Variants in OSBPL9 observed in about 807,000 individuals in gnomAD.
The protein encoded by OSBPL9 is oxysterol binding protein like 9.
In OSBPL9, 40 loss-of-function variants were observed where a neutral mutation model predicts 106.6. The ratio of observed to expected loss-of-function variants is 0.38; its 90% CI spans 0.29 to 0.49. The LOEUF is 0.49. OSBPL9 is among the 20% of genes least tolerant of loss of function. The pLI, the probability that OSBPL9 is intolerant of heterozygous loss-of-function variation, is 0.97. For synonymous variants in OSBPL9, 269 were observed against 295.4 expected, an observed-to-expected ratio of 0.91 and a Z score of 0.92; for missense variants, 609 against 887.2, an observed-to-expected ratio of 0.69 and a Z score of 3.98.
chr1:51,693,810 A>G (rs1225288626), intron 3 of OSBPL9, among the ~76,000 whole-genome samples: 1 of 152,230 alleles, frequency 6.6e-6, no homozygotes, highest in Non-Finnish European at 1.5e-5. Context: ...GTTCCAAACT[A>G]TAGTCAGTTG....
At chr1:51,753,291 C>T (rs781039433) in intron 8 of OSBPL9, among the ~76,000 whole-genome samples, 1 of 152,142 alleles carries the variant, frequency 6.6e-6, no homozygotes, top group Non-Finnish European at 1.5e-5. Flanking sequence ...TTTATTTATC[C>T]TTTCTGTGCT....
chr1:51,607,381 C>CA (rs765353564), intron 2 of OSBPL9, among the ~76,000 whole-genome samples: 9 of 152,026 alleles, frequency 5.9e-5, no homozygotes, highest in Non-Finnish European at 1.0e-4. Flanking sequence ...AGGCTGATCT[C>CA]AAACTCCTGA....
At chr1:51,756,269 A>T (rs1179518279) in intron 8 of OSBPL9, 51 bp from the exon 9 acceptor site, 2 of 1,453,918 alleles carry the variant, frequency 1.4e-6, no homozygotes, top group Non-Finnish European at 9.6e-7. Flanking sequence ...ATACACAAGG[A>T]GTTACTTACA....
intron 8 of OSBPL9, 88 bp from the exon 9 acceptor site, chr1:51,756,232 T>C: frequency 1.9e-6 from 2 of 1,068,798 alleles, no homozygotes; most frequent in Admixed American, 3.9e-5. Context: ...ATTACTTACC[T>C]AGTAAATAAG....
At chr1:51,654,148 AT>A (rs1004780225) in intron 2 of OSBPL9, among the ~76,000 whole-genome samples, 4 of 152,192 alleles carry the variant, frequency 2.6e-5, no homozygotes, top group African/African-American at 9.7e-5. Flanking sequence ...TGGCAGCTGG[AT>A]CCAGAGACTG....
chr1:51,660,028 G>T (rs1647041228), intron 2 of OSBPL9, among the ~76,000 whole-genome samples: 1 of 142,400 alleles, frequency 7.0e-6, no homozygotes, highest in Non-Finnish European at 1.5e-5. Flanking sequence ...AGAACCATTT[G>T]GATTTGGGTC....
chr1:51,603,763 G>A (rs550475153), intron 2 of OSBPL9, among the ~76,000 whole-genome samples: 1 of 152,208 alleles, frequency 6.6e-6, no homozygotes, highest in African/African-American at 2.4e-5. Flanking sequence ...AGTAGAAAAA[G>A]TATGTGTCTT....
In OSBPL9 at chr1:51,787,780, C is replaced by G. The variant is rs768100504; in HGVS notation, c.2202C>G (p.Ala734=). ...CATTACTGAAACGTCTTGGTGCTGC[C>G]AAGCATTAGGTTGGAAGATGCAAAG... The part of the protein sequence containing the change: ...DEPLLKRLGA[A]KH Residue 734 remains alanine (A), a synonymous_variant, in exon 24 of 24, where the codon GCC becomes GCG. Transcript: ENST00000428468. The G allele has an allele frequency of 6.2e-7, 1 of 1,612,432 alleles. No individual in the cohort carries two copies. The highest frequency in any genetic ancestry group is 8.5e-7 in the Non-Finnish European group (1 of 1,178,898).
intron 1 of OSBPL9, among the ~76,000 whole-genome samples, chr1:51,635,303 AAAT>A (rs1645359596): frequency 6.6e-6 from 1 of 152,108 alleles, no homozygotes; most frequent in African/African-American, 2.4e-5. Context: ...TTAAAAAAAA[AAAT>A]GTCAGAACTT....
At chr1:51,784,888 C>T (rs1381460638) in intron 20 of OSBPL9, 7 of 346,312 alleles carry the variant, frequency 2.0e-5, no homozygotes, top group Non-Finnish European at 3.7e-5. Flanking sequence ...TTTATTCTTG[C>T]CAGATTGAAT....
chr1:51,754,442 G>A (rs755804188), intron 8 of OSBPL9, among the ~76,000 whole-genome samples: 8 of 152,136 alleles, frequency 5.3e-5, no homozygotes, highest in East Asian at 3.8e-4. Context: ...GGCAAAGATA[G>A]AGACTATTAA....
intron 4 of OSBPL9, among the ~76,000 whole-genome samples, chr1:51,734,957 G>A (rs1385929874): frequency 6.6e-6 from 1 of 152,094 alleles, no homozygotes; most frequent in African/African-American, 2.4e-5. Flanking sequence ...TGGCCTCCTT[G>A]TGCTTCTCAG....
chr1:51,518,505 T>TG, the OSBPL9 span: 1 of 152,810 alleles, frequency 6.5e-6, no homozygotes, highest in Non-Finnish European at 1.5e-5. Context: ...AAGGCTGCAT[T>TG]GGGGGTCTGA....
intron 4 of OSBPL9, among the ~76,000 whole-genome samples, chr1:51,728,064 CT>C (rs888869065): frequency 5.9e-5 from 9 of 152,094 alleles, no homozygotes; most frequent in African/African-American, 2.2e-4. Flanking sequence ...TTGGAAAGTC[CT>C]TGGCAAATTA....
chr1:51,696,352 C>A (rs1294235103), intron 3 of OSBPL9, among the ~76,000 whole-genome samples: 2 of 152,110 alleles, frequency 1.3e-5, no homozygotes, highest in African/African-American at 4.8e-5. Context: ...CCCTTGCCAA[C>A]AAAATTTCAC....
intron 14 of OSBPL9, among the ~76,000 whole-genome samples, chr1:51,776,336 A>C (rs993863728): frequency 2.6e-5 from 4 of 152,250 alleles, no homozygotes; most frequent in African/African-American, 7.2e-5. Flanking sequence ...CACACGCCCC[A>C]AACTCAGATC....
chr1:51,575,130 T>C (rs539840260), upstream of OSBPL9, among the ~76,000 whole-genome samples: 1 of 152,324 alleles, frequency 6.6e-6, no homozygotes, highest in South Asian at 2.1e-4. Flanking sequence ...CAGGGTAAAC[T>C]TTATTTGATC....
chr1:51,723,385 T>C (rs533725858), intron 4 of OSBPL9, among the ~76,000 whole-genome samples: 2 of 152,236 alleles, frequency 1.3e-5, no homozygotes, highest in Non-Finnish European at 2.9e-5. Flanking sequence ...TGTCATATCA[T>C]TGGAATCACA....
At chr1:51,775,915 C>T (rs1466883757) in intron 14 of OSBPL9, among the ~76,000 whole-genome samples, 2 of 152,040 alleles carry the variant, frequency 1.3e-5, no homozygotes, top group Non-Finnish European at 2.9e-5. Flanking sequence ...CCAGCCTCCA[C>T]CACAGCTTTT....
Sources: gnomAD v4.1 joint callset for allele counts (sites outside exome capture counted in the v4.1 genomes callset) on GRCh38, gnomAD v4.1.1 for gene constraint, MANE v1.5 for transcripts, NCBI Gene and HGNC (gene_info 2026-07-23, HGNC 2026-07-21) for gene names.